Variants in PCCA observed in about 807,000 individuals in gnomAD.
The protein encoded by PCCA is propionyl-CoA carboxylase alpha chain, mitochondrial.
A neutral mutation model predicts 101.3 loss-of-function variants in PCCA; 74 were observed. That is an observed-to-expected ratio of 0.73 (90% CI 0.61 to 0.89). The LOEUF (loss-of-function observed/expected upper bound fraction) is 0.89, where lower values mean the gene tolerates loss of function less well. PCCA is among the 40% of genes least tolerant of loss of function. The pLI is 0.00. For synonymous variants in PCCA, 294 were observed against 313.6 expected, an observed-to-expected ratio of 0.94 and a Z score of 0.66; for missense variants, 891 against 907.0, an observed-to-expected ratio of 0.98 and a Z score of 0.23.
At chr13:100,391,516 TGG>T (rs1354142078) in intron 19 of PCCA, among the ~76,000 whole-genome samples, 1 of 152,082 alleles carries the variant, frequency 6.6e-6, no homozygotes, top group Non-Finnish European at 1.5e-5. Context: ...CAGGAGTTGA[TGG>T]GGTATCAATC....
At position 100,111,830 on chromosome 13, in the gene PCCA, T is replaced by C. The variant is rs781547188; in HGVS notation, c.184-11T>C. On this transcript the variant is annotated splice_polypyrimidine_tract_variant and intron_variant, in intron 2 of 23. Transcript: ENST00000376285. ...AACAATTTCTAATGAATGTGTTTTTTCTCTCTTCAGACTTTTGATAAAATT... is the reference window on the plus strand; with the variant it reads ...AACAATTTCTAATGAATGTGTTTTTCCTCTCTTCAGACTTTTGATAAAATT... The C allele has an allele frequency of 1.9e-6, 3 of 1,595,420 alleles. No individual in the cohort carries two copies. The South Asian group carries it at 3.3e-5, about 18-fold the overall frequency.
At chr13:100,357,161 C>G (rs2074040097) in intron 18 of PCCA, among the ~76,000 whole-genome samples, 1 of 152,172 alleles carries the variant, frequency 6.6e-6, no homozygotes, top group Admixed American at 6.5e-5. Flanking sequence ...AAACCATTAA[C>G]TTGTACACTT....
chr13:100,147,647 A>T (rs1208896808), intron 4 of PCCA, among the ~76,000 whole-genome samples: 3 of 152,198 alleles, frequency 2.0e-5, no homozygotes, highest in Non-Finnish European at 4.4e-5. Flanking sequence ...TGCATGTGTG[A>T]TAGCTTTCTC....
chr13:100,526,191 A>ACCC (rs2087791465), intron 22 of PCCA, among the ~76,000 whole-genome samples: 1 of 152,094 alleles, frequency 6.6e-6, no homozygotes, highest in Non-Finnish European at 1.5e-5. Flanking sequence ...CTGTTCTGAC[A>ACCC]CCCCTGATGG....
At chr13:100,238,959 C>G (rs1026330768) in intron 8 of PCCA, among the ~76,000 whole-genome samples, 4 of 152,114 alleles carry the variant, frequency 2.6e-5, no homozygotes, top group African/African-American at 9.7e-5. Flanking sequence ...TCTCTTAATT[C>G]TTTCTGTGTT....
intron 17 of PCCA, among the ~76,000 whole-genome samples, chr13:100,338,781 T>C (rs903625099): frequency 6.6e-6 from 1 of 150,514 alleles, no homozygotes; most frequent in Non-Finnish European, 1.5e-5. Flanking sequence ...TAGGTTTGTC[T>C]CAAAAGAGGG....
chr13:100,383,709 A>T (rs2076353662), intron 19 of PCCA, among the ~76,000 whole-genome samples: 2 of 152,090 alleles, frequency 1.3e-5, no homozygotes, highest in African/African-American at 4.8e-5. Flanking sequence ...GTTTTGGTTG[A>T]TGCAAAATTG....
intron 2 of PCCA, among the ~76,000 whole-genome samples, chr13:100,111,460 C>G (rs1331168611): frequency 5.9e-5 from 9 of 152,216 alleles, no homozygotes; most frequent in South Asian, 4.1e-4. Context: ...TGCACCCGGG[C>G]TTGACCAAAG....
chr13:100,372,147 G>A (rs1429063771), intron 19 of PCCA, among the ~76,000 whole-genome samples: 2 of 151,986 alleles, frequency 1.3e-5, no homozygotes, highest in Admixed American at 6.6e-5. Context: ...GAGTTCAAGA[G>A]CAGCCTGGGC....
Position 100,425,686 on chromosome 13 carries a change from G to T in PCCA, c.1800G>T (p.Ser600=), listed in dbSNP as rs761681712. The part of the protein sequence containing the change: ...LNVTSTWNLA[S]PLLSVSVDGT... Reference sequence around the variant, plus strand: ...TGACCAGCACGTGGAACCTGGCTTCGCCCTTATTGTCTGTCAGCGTTGATG... The same window carrying T: ...TGACCAGCACGTGGAACCTGGCTTCTCCCTTATTGTCTGTCAGCGTTGATG... The change falls in exon 20 of 24, where the codon TCG becomes TCT. Residue 600 remains serine, a synonymous_variant. Coordinates refer to ENST00000376285, the MANE Select transcript of PCCA (RefSeq NM_000282.4). The T allele has an allele frequency of 1.2e-6, 2 of 1,614,136 alleles. No individual in the cohort carries two copies. Among genetic ancestry groups the T allele is most frequent in the Non-Finnish European group, 1.7e-6 (2 of 1,179,974 alleles).
At chr13:100,296,383 G>A (rs2058957574) in intron 12 of PCCA, among the ~76,000 whole-genome samples, 1 of 151,202 alleles carries the variant, frequency 6.6e-6, no homozygotes, top group African/African-American at 2.4e-5. Context: ...GGGACTACAG[G>A]CATGCGTCAC....
chr13:100,096,731 C>T (rs550812256), intron 1 of PCCA, among the ~76,000 whole-genome samples: 113 of 152,256 alleles, frequency 7.4e-4, no homozygotes, highest in Non-Finnish European at 1.4e-3. Context: ...GCTGATATGG[C>T]GAAAGCTTTA....
intron 7 of PCCA, 126 bp from the exon 8 acceptor site, chr13:100,235,716 T>G: frequency 1.4e-6 from 1 of 718,826 alleles, no homozygotes; most frequent in Non-Finnish European, 2.6e-6. Context: ...ATGAAAAGGG[T>G]TAGAAGGTAG....
chr13:100,132,632 G>A (rs1331121034), intron 4 of PCCA, among the ~76,000 whole-genome samples: 1 of 152,170 alleles, frequency 6.6e-6, no homozygotes, highest in Non-Finnish European at 1.5e-5. Context: ...TTTGTGTACA[G>A]ATTCTGTTTC....
chr13:100,248,879 T>C (rs1189349575), intron 8 of PCCA, among the ~76,000 whole-genome samples: 3 of 151,932 alleles, frequency 2.0e-5, no homozygotes, highest in Non-Finnish European at 4.4e-5. Flanking sequence ...CCTGAGTAGC[T>C]GGGATTATGG....
At chr13:100,391,485 C>T (rs1455258629) in intron 19 of PCCA, among the ~76,000 whole-genome samples, 1 of 152,120 alleles carries the variant, frequency 6.6e-6, no homozygotes, top group Admixed American at 6.6e-5. Context: ...GCTAACCAAG[C>T]TTCCATTTGA....
intron 9 of PCCA, among the ~76,000 whole-genome samples, chr13:100,259,307 G>C (rs1009316715): frequency 7.1e-6 from 1 of 141,494 alleles, no homozygotes; most frequent in Non-Finnish European, 1.5e-5. Context: ...ACATCTGAAA[G>C]ATTTTTTTTA....
At chr13:100,266,861 G>C (rs932360508) in intron 10 of PCCA, among the ~76,000 whole-genome samples, 4 of 152,150 alleles carry the variant, frequency 2.6e-5, no homozygotes, top group Non-Finnish European at 4.4e-5. Flanking sequence ...TCAGGAAGCA[G>C]TATAGCTTAG....
chr13:100,194,568 C>A (rs1044760966), intron 6 of PCCA, among the ~76,000 whole-genome samples: 5 of 152,130 alleles, frequency 3.3e-5, no homozygotes, highest in Non-Finnish European at 5.9e-5. Context: ...CAGGCGTGTG[C>A]CACCACACCC....
Sources: allele counts gnomAD v4.1 joint callset (sites outside exome capture counted in the v4.1 genomes callset), GRCh38; gene constraint gnomAD v4.1.1; transcripts MANE v1.5; gene names NCBI Gene and HGNC (gene_info 2026-07-23, HGNC 2026-07-21).